The following DTNA variants were observed in gnomAD, a reference collection of about 807,000 sequenced individuals.
DTNA encodes dystrophin-related protein 3.
A neutral mutation model predicts 100.7 loss-of-function variants in DTNA; 43 were observed. The observed-to-expected ratio is 0.43, with a 90% CI of 0.33 to 0.55. DTNA has a LOEUF of 0.55. DTNA is among the 20% of genes least tolerant of loss of function. The probability of loss-of-function intolerance (pLI) is 0.04; values close to 1 mark genes in which losing one functional copy is unlikely to be tolerated. For missense variants in DTNA, 798 were observed against 953.9 expected, an observed-to-expected ratio of 0.84 and a Z score of 2.15; for synonymous variants, 349 against 347.9, an observed-to-expected ratio of 1.00 and a Z score of -0.04.
chr18:34,503,572 C>G (rs2040173517), intron 1 of DTNA, among the ~76,000 whole-genome samples: 1 of 152,080 alleles, frequency 6.6e-6, no homozygotes, highest in Non-Finnish European at 1.5e-5. Flanking sequence ...GCGTGAGCCA[C>G]CACGCCTGGC....
At chr18:34,761,038 A>C (rs1297217472) in intron 2 of DTNA, among the ~76,000 whole-genome samples, 1 of 151,954 alleles carries the variant, frequency 6.6e-6, no homozygotes, top group Non-Finnish European at 1.5e-5. Context: ...CTAAGGTAGC[A>C]ATCATTTTTT....
At chr18:34,501,262 T>C (rs971239975) in intron 1 of DTNA, among the ~76,000 whole-genome samples, 2 of 152,224 alleles carry the variant, frequency 1.3e-5, no homozygotes, top group African/African-American at 4.8e-5. Flanking sequence ...ATGGAGTACA[T>C]TGATCAATTT....
At chr18:34,810,782 A>T (rs2095471008) in intron 5 of DTNA, among the ~76,000 whole-genome samples, 1 of 152,222 alleles carries the variant, frequency 6.6e-6, no homozygotes, top group Admixed American at 6.5e-5. Flanking sequence ...CATTGAACAC[A>T]TGTATCAAGC....
chr18:34,844,621 T>G (rs1306253320), intron 13 of DTNA, among the ~76,000 whole-genome samples: 1 of 152,138 alleles, frequency 6.6e-6, no homozygotes, highest in Non-Finnish European at 1.5e-5. Flanking sequence ...TTTCTAGTGA[T>G]AAAATTCCCA....
intron 1 of DTNA, among the ~76,000 whole-genome samples, chr18:34,580,938 AC>A (rs2048553499): frequency 6.6e-6 from 1 of 152,170 alleles, no homozygotes; most frequent in Non-Finnish European, 1.5e-5. Context: ...GTACCTGTCC[AC>A]TTGCAACTGT....
At chr18:34,539,956 T>A (rs988452984) in intron 1 of DTNA, among the ~76,000 whole-genome samples, 1 of 151,922 alleles carries the variant, frequency 6.6e-6, no homozygotes, top group African/African-American at 2.4e-5. Context: ...CTTATCAATA[T>A]AGTCACTATA....
chr18:34,790,155 C>T (rs555828320), intron 3 of DTNA, among the ~76,000 whole-genome samples: 10 of 152,204 alleles, frequency 6.6e-5, no homozygotes, highest in African/African-American at 2.4e-4. Flanking sequence ...TTACCAAGTT[C>T]CTATGTGTAA....
intron 1 of DTNA, among the ~76,000 whole-genome samples, chr18:34,515,411 G>A (rs2145043149): frequency 6.6e-6 from 1 of 152,172 alleles, no homozygotes; most frequent in South Asian, 2.1e-4. Flanking sequence ...GCAAAAGGGT[G>A]TTAGTACCTT....
chr18:34,512,897 A>C (rs963159109), intron 1 of DTNA, among the ~76,000 whole-genome samples: 1 of 152,100 alleles, frequency 6.6e-6, no homozygotes, highest in Non-Finnish European at 1.5e-5. Flanking sequence ...TAACCATTGC[A>C]TTGTGGAATA....
chr18:34,812,330 G>A (rs1208381980), intron 6 of DTNA, among the ~76,000 whole-genome samples: 1 of 152,166 alleles, frequency 6.6e-6, no homozygotes, highest in Non-Finnish European at 1.5e-5. Context: ...CATGAGGCAG[G>A]CACTGTGCTA....
intron 1 of DTNA, among the ~76,000 whole-genome samples, chr18:34,650,095 A>G (rs2060272574): frequency 6.6e-6 from 1 of 152,188 alleles, no homozygotes; most frequent in South Asian, 2.1e-4. Flanking sequence ...GCACAGGAGA[A>G]CTTGAGAGTC....
chr18:34,587,148 A>ATTTTTTT (rs773119244), intron 1 of DTNA, among the ~76,000 whole-genome samples: 2 of 145,506 alleles, frequency 1.4e-5, no homozygotes, highest in African/African-American at 2.5e-5. Flanking sequence ...TGCCTGGCTA[A>ATTTTTTT]TTTTTTTTTT....
At chr18:34,614,040 A>C (rs2054748149) in intron 1 of DTNA, among the ~76,000 whole-genome samples, 1 of 152,174 alleles carries the variant, frequency 6.6e-6, no homozygotes, top group African/African-American at 2.4e-5. Context: ...GATAACTTTA[A>C]ATTGAAGCCA....
At chr18:34,713,405 A>G (rs1288450393) in intron 1 of DTNA, among the ~76,000 whole-genome samples, 1 of 152,190 alleles carries the variant, frequency 6.6e-6, no homozygotes, top group Non-Finnish European at 1.5e-5. Flanking sequence ...GTTTTGTTCA[A>G]TAAGCGATAG....
At chr18:34,833,562 T>C (rs1216074500) in intron 11 of DTNA, among the ~76,000 whole-genome samples, 1 of 152,192 alleles carries the variant, frequency 6.6e-6, no homozygotes, top group Non-Finnish European at 1.5e-5. Flanking sequence ...TCCTGCCTTT[T>C]TTCTTTCAGC....
intron 15 of DTNA, among the ~76,000 whole-genome samples, chr18:34,853,485 A>T (rs961706605): frequency 6.6e-6 from 1 of 152,132 alleles, no homozygotes; most frequent in African/African-American, 2.4e-5. Context: ...ATTTTTTTCT[A>T]GTAAGGAAAG....
At chr18:34,502,955 C>T (rs936318841) in intron 1 of DTNA, among the ~76,000 whole-genome samples, 4 of 152,104 alleles carry the variant, frequency 2.6e-5, no homozygotes, top group African/African-American at 7.2e-5. Context: ...AAGTATATGC[C>T]GTCTCCAGTT....
intron 2 of DTNA, among the ~76,000 whole-genome samples, chr18:34,759,771 T>A (rs1381290656): frequency 2.0e-5 from 3 of 152,168 alleles, no homozygotes; most frequent in African/African-American, 7.2e-5. Flanking sequence ...AACCTCCGCC[T>A]CCCTGTTCAA....
At chr18:34,565,971 A>G (rs1009772788) in intron 1 of DTNA, among the ~76,000 whole-genome samples, 3 of 152,182 alleles carry the variant, frequency 2.0e-5, no homozygotes, top group African/African-American at 7.2e-5. Flanking sequence ...AGTCTTTCCC[A>G]TTGACACCAA....
Sources: allele counts gnomAD v4.1 joint callset (sites outside exome capture counted in the v4.1 genomes callset), GRCh38; gene constraint gnomAD v4.1.1; transcripts MANE v1.5; gene names NCBI Gene and HGNC (gene_info 2026-07-23, HGNC 2026-07-21).